Variants in WWOX observed in about 807,000 individuals in gnomAD.
WWOX encodes the protein WW domain-containing oxidoreductase.
A neutral mutation model predicts 46.2 loss-of-function variants in WWOX; 69 were observed. The ratio of observed to expected loss-of-function variants is 1.49; its 90% CI spans 1.23 to 1.82. The LOEUF (loss-of-function observed/expected upper bound fraction) is 1.82, where lower values mean the gene tolerates loss of function less well. Among genes scored for constraint, WWOX ranks in the 40% most tolerant of loss-of-function variants. WWOX has a pLI of 0.00. For missense variants in WWOX, 919 were observed against 542.6 expected (o/e 1.69, Z -6.89); for synonymous variants, 359 against 202.6 (o/e 1.77, Z -6.56).
intron 5 of WWOX, among the ~76,000 whole-genome samples, chr16:78,357,791 A>G (rs954298895): frequency 6.6e-6 from 1 of 152,140 alleles, no homozygotes; most frequent in Non-Finnish European, 1.5e-5. Context: ...ATGTGTAATT[A>G]TTCCCATTTC....
At chr16:78,166,855 C>A (rs1044062135) in intron 5 of WWOX, 1 of 152,388 alleles carries the variant, frequency 6.6e-6, no homozygotes, top group African/African-American at 2.4e-5. Context: ...CCGTGCCCGA[C>A]CTCCCGAGTC....
chr16:78,120,542 A>G (rs889953495), intron 4 of WWOX, among the ~76,000 whole-genome samples: 1 of 151,320 alleles, frequency 6.6e-6, no homozygotes, highest in South Asian at 2.1e-4. Flanking sequence ...TGCAGTCCGC[A>G]GTCCGGCCTG....
At chr16:78,101,907 C>T (rs980440323) in intron 1 of WWOX, among the ~76,000 whole-genome samples, 1 of 152,126 alleles carries the variant, frequency 6.6e-6, no homozygotes, top group Non-Finnish European at 1.5e-5. Context: ...AGCGTCCCCA[C>T]GCAGTGTGTA....
At chr16:78,110,461 A>G (rs1050808245) in intron 3 of WWOX, among the ~76,000 whole-genome samples, 4 of 151,916 alleles carry the variant, frequency 2.6e-5, no homozygotes, top group Non-Finnish European at 5.9e-5. Flanking sequence ...AAAAGATGCT[A>G]TTTAGCAGCT....
At chr16:78,327,734 AGACCCCC>A (rs1221705299) in intron 5 of WWOX, among the ~76,000 whole-genome samples, 1 of 152,100 alleles carries the variant, frequency 6.6e-6, no homozygotes. Flanking sequence ...CTTCTCCTTC[AGACCCCC>A]GACCATGGCT....
intron 8 of WWOX, among the ~76,000 whole-genome samples, chr16:79,013,112 C>T (rs766466118): frequency 1.3e-5 from 2 of 152,200 alleles, no homozygotes; most frequent in Non-Finnish European, 2.9e-5. Context: ...GTTGGTGGTC[C>T]TCCAGAATTG....
chr16:78,562,084 C>T (rs74029567), intron 8 of WWOX, among the ~76,000 whole-genome samples: 3,146 of 152,312 alleles, frequency 0.021, 47 homozygotes, highest in African/African-American at 0.041. Context: ...ACAAACATCA[C>T]TTCCCCTGCC....
intron 8 of WWOX, among the ~76,000 whole-genome samples, chr16:78,576,690 G>T (rs1383679826): frequency 6.6e-6 from 1 of 152,080 alleles, no homozygotes. Context: ...ATATTAGCTG[G>T]GCATGATGGC....
rs535774272 is a variant in WWOX at position 78,129,203 on chromosome 16, G to A, written c.409+14049G>A. Among the ~76,000 whole-genome samples, 55 of 152,254 alleles carry A rather than the reference G, an allele frequency of 3.6e-4. No homozygotes were observed. The South Asian group carries it at 8.9e-3, about 25-fold the overall frequency. On this transcript the variant is annotated intron_variant, in intron 4 of 8. Coordinates refer to ENST00000566780, the MANE Select transcript of WWOX (RefSeq NM_016373.4). ...TTTTTATTTCCTGCTGGCCTGATCC[G>A]GGAGGGATTTGGGAAAGCTAGTCTT...
At chr16:78,937,525 G>C (rs2045765234) in intron 8 of WWOX, among the ~76,000 whole-genome samples, 1 of 137,740 alleles carries the variant, frequency 7.3e-6, no homozygotes. Context: ...AAACTCCTGA[G>C]TTCAAGTGAT....
intron 8 of WWOX, among the ~76,000 whole-genome samples, chr16:78,472,790 CAA>C (rs2084255459): frequency 1.0e-5 from 1 of 97,432 alleles, no homozygotes; most frequent in African/African-American, 3.8e-5. Flanking sequence ...GCCTGGGCGA[CAA>C]GAGTGAAACT....
At chr16:78,659,374 G>C (rs920804200) in intron 8 of WWOX, among the ~76,000 whole-genome samples, 3 of 152,046 alleles carry the variant, frequency 2.0e-5, no homozygotes, top group Admixed American at 1.3e-4. Flanking sequence ...GACAACATCA[G>C]GGTCATCTGG....
chr16:78,401,748 G>C (rs1459708921), intron 6 of WWOX, among the ~76,000 whole-genome samples: 1 of 152,004 alleles, frequency 6.6e-6, no homozygotes, highest in African/African-American at 2.4e-5. Flanking sequence ...CGCCCAGGCT[G>C]GAGTGTGATG....
At chr16:79,161,404 A>G (rs960351690) in intron 8 of WWOX, among the ~76,000 whole-genome samples, 1 of 152,238 alleles carries the variant, frequency 6.6e-6, no homozygotes, top group African/African-American at 2.4e-5. Context: ...TAAGCTTGAC[A>G]CATAAAATAA....
chr16:78,748,802 C>A (rs1034685505), intron 8 of WWOX, among the ~76,000 whole-genome samples: 4 of 152,222 alleles, frequency 2.6e-5, no homozygotes, highest in African/African-American at 9.6e-5. Context: ...CCCTCTGACA[C>A]GGCAAACACA....
At chr16:78,759,414 C>A (rs1329303821) in intron 8 of WWOX, among the ~76,000 whole-genome samples, 2 of 152,178 alleles carry the variant, frequency 1.3e-5, no homozygotes, top group Admixed American at 1.3e-4. Context: ...TCTCTCACTG[C>A]TGCTGAAGCA....
intron 8 of WWOX, among the ~76,000 whole-genome samples, chr16:78,691,934 A>G (rs113749585): frequency 0.046 from 6,936 of 152,190 alleles, 324 homozygotes; most frequent in African/African-American, 0.12. Context: ...CTATTCTCAT[A>G]ATAGTGAATA....
intron 8 of WWOX, among the ~76,000 whole-genome samples, chr16:78,596,441 C>G (rs946053054): frequency 6.6e-6 from 1 of 151,992 alleles, no homozygotes; most frequent in African/African-American, 2.4e-5. Context: ...GCTGTGGCAA[C>G]CCACAGCAGG....
chr16:78,978,897 C>G (rs987550705), intron 8 of WWOX, among the ~76,000 whole-genome samples: 23 of 152,062 alleles, frequency 1.5e-4, no homozygotes, highest in South Asian at 6.2e-4. Context: ...GGACACAGAT[C>G]CAAACCTTAT....
Sources: allele counts gnomAD v4.1 joint callset (sites outside exome capture counted in the v4.1 genomes callset), GRCh38; gene constraint gnomAD v4.1.1; transcripts MANE v1.5; gene names NCBI Gene and HGNC (gene_info 2026-07-23, HGNC 2026-07-21).